Variants in PDS5B observed in about 807,000 individuals in gnomAD.
PDS5B encodes sister chromatid cohesion protein PDS5 homolog B.
In PDS5B, 51 loss-of-function variants were observed where a neutral mutation model predicts 184.1. The ratio of observed to expected loss-of-function variants is 0.28; its 90% CI spans 0.22 to 0.35. The LOEUF (loss-of-function observed/expected upper bound fraction) is 0.35. PDS5B is among the 10% of genes least tolerant of loss of function. The probability of loss-of-function intolerance (pLI) is 1.00; values close to 1 mark genes in which losing one functional copy is unlikely to be tolerated. For synonymous variants in PDS5B, 566 were observed against 569.2 expected, an observed-to-expected ratio of 0.99 and a Z score of 0.08; for missense variants, 1,180 against 1,723.3, an observed-to-expected ratio of 0.68 and a Z score of 5.58.
At position 32,654,258 on chromosome 13, in the gene PDS5B, G is replaced by A; in HGVS notation, c.312+2251G>A. ...TGTATGTCTATATATTTTGTCTACA[G>A]TAGTGTTGTATACAGATTAGAAAAT... On this transcript the variant is annotated intron_variant, in intron 3 of 34. Coordinates refer to ENST00000315596, the MANE Select transcript of PDS5B (RefSeq NM_015032.4). 2.0e-5 allele frequency among the ~76,000 whole-genome samples: 3 copies of A among 152,246 alleles called. 1 individual carries two copies. The highest frequency in any genetic ancestry group is 2.0e-4 in the Admixed American group (3 of 15,296).
At chr13:32,713,396 A>G (rs1952269206) in intron 19 of PDS5B, among the ~76,000 whole-genome samples, 1 of 152,246 alleles carries the variant, frequency 6.6e-6, no homozygotes, top group African/African-American at 2.4e-5. Context: ...TAGCATTCCA[A>G]AGTAACTGAT....
chr13:32,616,733 T>C (rs55880225), intron 1 of PDS5B, among the ~76,000 whole-genome samples: 57,581 of 151,992 alleles, frequency 0.38, 11,320 homozygotes, highest in Non-Finnish European at 0.44. Flanking sequence ...AAAAAAAAAT[T>C]TGTTTAAGGT....
At chr13:32,749,053 T>A (rs1383676393) in intron 24 of PDS5B, among the ~76,000 whole-genome samples, 1 of 152,200 alleles carries the variant, frequency 6.6e-6, no homozygotes, top group African/African-American at 2.4e-5. Flanking sequence ...GGGTTGATGC[T>A]TGTAAAAACA....
In PDS5B at chr13:32,597,200, ATT is replaced by A. The variant is rs745671900; in HGVS notation, c.-20+10621_-20+10622del. On this transcript the variant is annotated intron_variant, in intron 1 of 34. Coordinates refer to ENST00000315596, the MANE Select transcript of PDS5B (RefSeq NM_015032.4). ...AGATACGTGCCACCATGGCTGGCTC[ATT>A]TTTTTTTTTTTTTGTATTTTTTGTA... 1.3e-4 allele frequency among the ~76,000 whole-genome samples: 18 copies of A among 136,952 alleles called. No homozygotes were observed. In the East Asian group the frequency reaches 1.5e-3, roughly 11 times the overall value. The allele number at this position is 136,952 out of a possible 152,430, so 89.8% of individuals were successfully genotyped here.
chr13:32,709,968 T>A lies in PDS5B; in HGVS notation c.1985T>A (p.Ile662Asn). The A allele has an allele frequency of 6.8e-7, 1 of 1,479,716 alleles. No individual in the cohort carries two copies. The highest frequency in any genetic ancestry group is 1.9e-5 in the Admixed American group (1 of 53,294). 91.7% of individuals were successfully genotyped at this position (1,479,716 alleles called of 1,614,324 possible). A position where few individuals can be genotyped will look rare whatever the true frequency, so the allele number is the denominator to read the frequency against. ...TAGGTACTCTCATTTACACATCCCA[T>A]CTCATTTCATTCTGCTGAAACATTT... ...LLKVLSFTHP[I>N]SFHSAETFES... Residue 662 changes from isoleucine (I) to asparagine (N), a missense_variant, in exon 19 of 35, where the codon ATC (isoleucine) becomes AAC (asparagine). Transcript: ENST00000315596.
intron 19 of PDS5B, among the ~76,000 whole-genome samples, chr13:32,718,456 A>G (rs1317007862): frequency 1.3e-5 from 2 of 152,140 alleles, no homozygotes; most frequent in Admixed American, 6.6e-5. Flanking sequence ...GGCCAAAAAA[A>G]TCAGTCTGTT....
intron 10 of PDS5B, among the ~76,000 whole-genome samples, chr13:32,682,477 T>C (rs1384134949): frequency 6.6e-6 from 1 of 152,222 alleles, no homozygotes; most frequent in Non-Finnish European, 1.5e-5. Flanking sequence ...TAATTTATTC[T>C]TTATTATTAT....
intron 1 of PDS5B, among the ~76,000 whole-genome samples, chr13:32,626,586 T>A (rs1165273369): frequency 6.6e-6 from 1 of 152,138 alleles, no homozygotes; most frequent in Non-Finnish European, 1.5e-5. Context: ...TCCTACTCAT[T>A]TTTGACATGT....
At chr13:32,717,643 C>G (rs1270442684) in intron 19 of PDS5B, among the ~76,000 whole-genome samples, 1 of 137,308 alleles carries the variant, frequency 7.3e-6, no homozygotes, top group African/African-American at 2.7e-5. Context: ...TGTCCTATGA[C>G]CCTGCCAAAT....
At chr13:32,655,044 A>T (rs1950466420) in intron 3 of PDS5B, among the ~76,000 whole-genome samples, 1 of 152,068 alleles carries the variant, frequency 6.6e-6, no homozygotes. Context: ...TTATATACCC[A>T]ATAATGGGAT....
In PDS5B at chr13:32,721,580, T is replaced by G. The variant is rs559914814; in HGVS notation, c.2124-10521T>G. Reference sequence around the variant, plus strand: ...CCTCCCAGATGGGGTGGCGGCCGGGTAGAGACGCTCCTCACCTCCCAGACG... The same window carrying G: ...CCTCCCAGATGGGGTGGCGGCCGGGGAGAGACGCTCCTCACCTCCCAGACG... On this transcript the variant is annotated intron_variant, in intron 19 of 34. Transcript: ENST00000315596. Among the ~76,000 whole-genome samples, 5 of 88,276 alleles carry G rather than the reference T, an allele frequency of 5.7e-5. No individual in the cohort carries two copies. In the South Asian group the frequency reaches 1.3e-3, roughly 22 times the overall value. The allele number at this position is 88,276 out of a possible 152,430, so 57.9% of individuals were successfully genotyped here.
intron 1 of PDS5B, among the ~76,000 whole-genome samples, chr13:32,647,094 T>C (rs887491604): frequency 6.6e-6 from 1 of 152,192 alleles, no homozygotes; most frequent in Non-Finnish European, 1.5e-5. Context: ...TTTTATGATA[T>C]TCTCTGTAGG....
At chr13:32,622,126 C>G (rs1007012330) in intron 1 of PDS5B, among the ~76,000 whole-genome samples, 5 of 151,584 alleles carry the variant, frequency 3.3e-5, no homozygotes, top group Admixed American at 2.0e-4. Context: ...TCTTCTTTCT[C>G]TGTTCTTTGA....
At chr13:32,760,281 A>ATG (rs1381563750) in intron 29 of PDS5B, among the ~76,000 whole-genome samples, 3 of 152,200 alleles carry the variant, frequency 2.0e-5, no homozygotes, top group Non-Finnish European at 2.9e-5. Context: ...ATGTCTTTCC[A>ATG]TGGCAAGAGT....
intron 20 of PDS5B, among the ~76,000 whole-genome samples, chr13:32,732,672 G>T (rs1953166217): frequency 6.6e-6 from 1 of 151,986 alleles, no homozygotes; most frequent in African/African-American, 2.4e-5. Flanking sequence ...CTAATTTTGT[G>T]TCAGATATAA....
intron 6 of PDS5B, among the ~76,000 whole-genome samples, chr13:32,660,675 C>T (rs529245942): frequency 7.9e-5 from 12 of 152,274 alleles, no homozygotes; most frequent in East Asian, 3.9e-4. Context: ...CGTTGATTGT[C>T]GTGGAGAAGA....
In PDS5B at chr13:32,605,215, A is replaced by G. The variant is rs2058041031; in HGVS notation, c.-20+18622A>G. 2.0e-5 allele frequency among the ~76,000 whole-genome samples: 3 copies of G among 152,318 alleles called. No homozygotes were observed. The South Asian group carries it at 6.2e-4, about 32-fold the overall frequency. On this transcript the variant is annotated intron_variant, in intron 1 of 34. Coordinates refer to ENST00000315596, the MANE Select transcript of PDS5B (RefSeq NM_015032.4). ...TCTCTTTTATAGCATTTAGTGCTAT[A>G]AATTTCCCGCTACACCCTGCTTTAA...
At chr13:32,669,967 C>G (rs1273578322) in intron 7 of PDS5B, among the ~76,000 whole-genome samples, 34 of 152,052 alleles carry the variant, frequency 2.2e-4, no homozygotes, top group Admixed American at 2.2e-3. Flanking sequence ...TTAGTTCAGT[C>G]TTAGAAATCA....
chr13:32,740,291 T>C (rs1953492594), intron 21 of PDS5B, among the ~76,000 whole-genome samples: 1 of 152,324 alleles, frequency 6.6e-6, no homozygotes, highest in African/African-American at 2.4e-5. Context: ...TTGACATCCT[T>C]AGTTAGAAAT....
Sources: gnomAD v4.1 joint callset for allele counts (sites outside exome capture counted in the v4.1 genomes callset) on GRCh38, gnomAD v4.1.1 for gene constraint, MANE v1.5 for transcripts, NCBI Gene and HGNC (gene_info 2026-07-23, HGNC 2026-07-21) for gene names.